Variants in UTRN observed in about 807,000 individuals in gnomAD.
UTRN encodes dystrophin-related protein 1.
A neutral mutation model predicts 463.9 loss-of-function variants in UTRN; 283 were observed. The observed-to-expected ratio is 0.61, with a 90% CI of 0.55 to 0.67. UTRN has a LOEUF of 0.67. Among genes scored for constraint, UTRN ranks in the 30% least tolerant of loss-of-function variants. UTRN has a pLI of 0.00. For synonymous variants in UTRN, 1,442 were observed against 1,431.5 expected (o/e 1.01, Z -0.17); for missense variants, 3,922 against 4,084.3 (o/e 0.96, Z 1.08).
At chr6:144,840,645 G>A (rs1252173640) in intron 72 of UTRN, 95 bp from the exon 73 acceptor site, 2 of 1,333,022 alleles carry the variant, frequency 1.5e-6, no homozygotes, top group Non-Finnish European at 2.1e-6. Context: ...GATATTTAGA[G>A]GCTGGTTGGA....
rs753969722 is a variant in UTRN, at chr6:144,461,332, A to G, written c.2843A>G (p.Gln948Arg). 4.5e-6 allele frequency: 7 copies of G among 1,567,918 alleles called. No homozygotes were observed. In the African/African-American group the frequency reaches 8.2e-5, roughly 18 times the overall value. ...CTTGCCAAGGTGGAGAAGGCCCTGCAAGAAAAAAAGGTAACATATATCTTC... is the reference window on the plus strand; with the variant it reads ...CTTGCCAAGGTGGAGAAGGCCCTGCGAGAAAAAAAGGTAACATATATCTTC... ...NDLAKVEKAL[Q>R]EKKTLDEILE... The change falls in exon 22 of 75, where the codon CAA (glutamine) becomes CGA (arginine). Residue 948 changes from glutamine (Q) to arginine (R), a missense_variant. By Grantham distance (43) the Gln-to-Arg change is conservative. This residue lies in a region of UTRN where 2,349 missense variants were observed against 2,303.8 expected (regional missense o/e 1.02). Transcript: ENST00000367545.
chr6:144,422,816 C>T (rs1784948933), intron 4 of UTRN, among the ~76,000 whole-genome samples: 2 of 152,164 alleles, frequency 1.3e-5, no homozygotes, highest in South Asian at 4.1e-4. Flanking sequence ...GAATTACTAT[C>T]ACAGTACAGA....
chr6:144,840,491 T>C (rs1193750877), intron 72 of UTRN, among the ~76,000 whole-genome samples: 1 of 152,192 alleles, frequency 6.6e-6, no homozygotes, highest in Non-Finnish European at 1.5e-5. Context: ...TATTTTTCAG[T>C]CCCCTGGTGT....
chr6:144,582,715 C>T (rs1272078990), intron 51 of UTRN, among the ~76,000 whole-genome samples: 1 of 152,178 alleles, frequency 6.6e-6, no homozygotes, highest in Non-Finnish European at 1.5e-5. Flanking sequence ...TAATGGCTTT[C>T]CTTCTAGGCA....
intron 5 of UTRN, among the ~76,000 whole-genome samples, 162 bp from the exon 6 acceptor site, chr6:144,423,824 A>G (rs1167160872): frequency 2.0e-5 from 3 of 152,226 alleles, no homozygotes; most frequent in African/African-American, 7.2e-5. Flanking sequence ...TAGTATAAAT[A>G]ATACATTTTT....
intron 46 of UTRN, among the ~76,000 whole-genome samples, chr6:144,545,605 G>T (rs1204682116): frequency 6.6e-6 from 1 of 152,034 alleles, no homozygotes; most frequent in Admixed American, 6.6e-5. Flanking sequence ...ACTTCCTTTA[G>T]TTCTCCTTCA....
intron 42 of UTRN, among the ~76,000 whole-genome samples, chr6:144,532,746 AAAG>A: frequency 6.6e-6 from 1 of 152,358 alleles, no homozygotes; most frequent in Non-Finnish European, 1.5e-5. Flanking sequence ...CACTTGCTTG[AAAG>A]AAGATGAGCA....
At position 144,715,318 on chromosome 6, in the gene UTRN, A is replaced by G. The variant is rs138703651; in HGVS notation, c.7810-15039A>G. ...ATCCTGTTGGTTCTCTGTTCAAAAT[A>G]TAGAATCTGAATCTACCACCTGTGA... On this transcript the variant is annotated intron_variant, in intron 53 of 74. Transcript: ENST00000367545. Among the ~76,000 whole-genome samples the G allele has an allele frequency of 2.0e-3, 297 of 152,296 alleles. 4 individuals carry two copies. Among genetic ancestry groups the G allele is most frequent in the African/African-American group, 6.9e-3 (287 of 41,558 alleles).
chr6:144,805,114 T>C (rs1778032448), intron 65 of UTRN, among the ~76,000 whole-genome samples: 1 of 152,130 alleles, frequency 6.6e-6, no homozygotes, highest in Non-Finnish European at 1.5e-5. Flanking sequence ...TTTGCAGCTT[T>C]TATAGGCCAA....
chr6:144,397,850 C>A (rs1285858800), intron 2 of UTRN: 1 of 152,732 alleles, frequency 6.5e-6, no homozygotes, highest in Non-Finnish European at 1.5e-5. Context: ...TGTGGCCCAG[C>A]ATTTGCTGGG....
chr6:144,403,104 T>A lies in UTRN; in HGVS notation c.80-19T>A. The stretch of plus-strand genomic sequence containing the variant: ...AGACTCTCATACTTTTTCCTTCTCT[T>A]TCTTTTTCCATTCCACAGATGAACA... On this transcript the variant is annotated intron_variant, in intron 2 of 74. Transcript: ENST00000367545. The A allele has an allele frequency of 6.2e-7, 1 of 1,610,570 alleles. No homozygotes were observed.
rs114907802 is a variant in UTRN, at chr6:144,686,260, T to C, written c.7652+7682T>C. 3.5e-3 allele frequency among the ~76,000 whole-genome samples: 539 copies of C among 152,314 alleles called. 6 individuals are homozygous for C. Among genetic ancestry groups the C allele is most frequent in the African/African-American group, 0.012 (510 of 41,586 alleles). ...ATTCTGCTTCATTGGTCTATGAAGA[T>C]GCTTGATATAATTTTGATTTTTAAA... is the stretch of plus-strand genomic sequence containing the variant. On this transcript the variant is annotated intron_variant, in intron 52 of 74. Transcript: ENST00000367545.
intron 51 of UTRN, among the ~76,000 whole-genome samples, chr6:144,586,906 C>A (rs905864813): frequency 4.6e-5 from 7 of 152,044 alleles, no homozygotes; most frequent in Admixed American, 6.6e-5. Context: ...ATATGTAAAT[C>A]ATTTTAGTTT....
chr6:144,531,263 C>A, intron 42 of UTRN, 61 bp downstream of exon 42: 1 of 1,424,218 alleles, frequency 7.0e-7, no homozygotes, highest in South Asian at 1.8e-5. Context: ...CCTGTTAAGA[C>A]AGATTTCAGA....
chr6:144,569,047 G>T (rs570390322), intron 50 of UTRN, among the ~76,000 whole-genome samples: 1 of 152,080 alleles, frequency 6.6e-6, no homozygotes, highest in Non-Finnish European at 1.5e-5. Context: ...GATAAATCAT[G>T]TGGAGTTCCT....
At chr6:144,589,093 T>G (rs1802753162) in intron 51 of UTRN, among the ~76,000 whole-genome samples, 1 of 152,218 alleles carries the variant, frequency 6.6e-6, no homozygotes, top group African/African-American at 2.4e-5. Flanking sequence ...AATAATAGGC[T>G]TATGTGAAAG....
chr6:144,354,750 C>T (rs968493193), intron 2 of UTRN, among the ~76,000 whole-genome samples: 2 of 152,038 alleles, frequency 1.3e-5, no homozygotes, highest in African/African-American at 4.8e-5. Flanking sequence ...GGTTGGGTGC[C>T]CCTCTTCTCT....
At chr6:144,501,101 T>G (rs1254626489) in intron 34 of UTRN, among the ~76,000 whole-genome samples, 1 of 152,038 alleles carries the variant, frequency 6.6e-6, no homozygotes, top group East Asian at 1.9e-4. Context: ...GTTAAGATAG[T>G]AGACACTGGA....
chr6:144,381,687 A>T (rs559084761), intron 2 of UTRN, among the ~76,000 whole-genome samples: 1 of 152,286 alleles, frequency 6.6e-6, no homozygotes, highest in African/African-American at 2.4e-5. Flanking sequence ...TTCCCTGCAC[A>T]AGCTCTCTCT....
Sources: allele counts gnomAD v4.1 joint callset (sites outside exome capture counted in the v4.1 genomes callset), GRCh38; gene constraint gnomAD v4.1.1; regional missense constraint gnomAD v4.1.1; transcripts MANE v1.5; gene names NCBI Gene and HGNC (gene_info 2026-07-23, HGNC 2026-07-21).